Variants in OCRL observed in about 807,000 individuals in gnomAD.
OCRL encodes inositol polyphosphate 5-phosphatase OCRL.
In OCRL, 8 loss-of-function variants were observed where a neutral mutation model predicts 78.9. That is an observed-to-expected ratio of 0.10 (90% confidence interval 0.06 to 0.18). The LOEUF (loss-of-function observed/expected upper bound fraction) is 0.18. OCRL is among the 10% of genes least tolerant of loss of function. The pLI, the probability that OCRL is intolerant of heterozygous loss-of-function variation, is 1.00. For missense variants in OCRL, 454 were observed against 696.7 expected (o/e 0.65, Z 3.92); for synonymous variants, 240 against 235.4 (o/e 1.02, Z -0.18).
chrX:129,579,894 C>G (rs1008403110), intron 18 of OCRL, among the ~76,000 whole-genome samples: 2 of 111,928 alleles, frequency 1.8e-5, no homozygotes, highest in African/African-American at 6.5e-5. Context: ...TAAAGATAAT[C>G]TGAACATTAA....
At chrX:129,567,469 G>A (rs1936232058) in intron 14 of OCRL, 106 bp downstream of exon 14, 6 of 535,580 alleles carry the variant, frequency 1.1e-5, no homozygotes, top group Non-Finnish European at 2.0e-5. Context: ...GCCATAAGCA[G>A]ATATATAAAC....
At chrX:129,589,694 G>A (rs1936562417) in intron 22 of OCRL, 151 bp from the exon 23 acceptor site, 4 of 492,088 alleles carry the variant, frequency 8.1e-6, no homozygotes, top group South Asian at 2.8e-5. Flanking sequence ...GGAAGGTATT[G>A]TGTTGGCCAT....
rs142774693 is a variant in OCRL at position 129,546,344 on chromosome X, C to G, written c.199+1307C>G. 3.2e-3 allele frequency among the ~76,000 whole-genome samples: 360 copies of G among 111,703 alleles called. 4 individuals are homozygous for G. Among genetic ancestry groups the G allele is most frequent in the Admixed American group, 0.031 (329 of 10,563 alleles). ...GAATGGTCCATAATGTAATTATTCC[C>G]CTATGTTGACATTTGGGTTATTTTT... On this transcript the variant is annotated intron_variant, in intron 3 of 23. Transcript: ENST00000371113.
At chrX:129,544,095 G>C (rs965162603) in intron 2 of OCRL, among the ~76,000 whole-genome samples, 2 of 111,004 alleles carry the variant, frequency 1.8e-5, no homozygotes, top group African/African-American at 6.6e-5. Flanking sequence ...GAAAGAAACA[G>C]AGTGTTCCTG....
rs1382649926 is a variant in OCRL at position 129,551,174 on chromosome X, T to A, written c.238+2573T>A. Among the ~76,000 whole-genome samples the A allele has an allele frequency of 4.5e-5, 5 of 111,639 alleles. No homozygotes were observed. The East Asian group carries it at 1.1e-3, about 25-fold the overall frequency. ...GTGCCTTCTATTTCTCAGGCACTTT[T>A]GTAAGTGCAGAATCAGTACAGAACG... On this transcript the variant is annotated intron_variant, in intron 4 of 23. Transcript: ENST00000371113.
intron 15 of OCRL, among the ~76,000 whole-genome samples, chrX:129,574,288 A>G (rs930219481): frequency 2.7e-5 from 3 of 112,460 alleles, no homozygotes; most frequent in Non-Finnish European, 5.6e-5. Context: ...AAAGAAACCG[A>G]TATCTCAAGT....
chrX:129,579,331 GT>G (rs1247505649), intron 18 of OCRL, among the ~76,000 whole-genome samples: 4 of 111,121 alleles, frequency 3.6e-5, no homozygotes, highest in African/African-American at 9.8e-5. Context: ...TAGTATTCAT[GT>G]TTTTTTTCCC....
At chrX:129,559,991 C>A (rs964480787) in intron 8 of OCRL, among the ~76,000 whole-genome samples, 2 of 112,008 alleles carry the variant, frequency 1.8e-5, no homozygotes, top group South Asian at 7.4e-4. Flanking sequence ...TATCCCTATG[C>A]TAAAACTTGC....
chrX:129,556,971 T>C (rs1450634000), intron 4 of OCRL, among the ~76,000 whole-genome samples: 1 of 111,960 alleles, frequency 8.9e-6, no homozygotes, highest in Non-Finnish European at 1.9e-5. Flanking sequence ...GGGAGGGTGA[T>C]TGAGGAATTT....
At chrX:129,558,570 T>G in intron 6 of OCRL, 63 bp from the exon 7 acceptor site, 1 of 1,172,699 alleles carries the variant, frequency 8.5e-7, no homozygotes, top group Non-Finnish European at 1.2e-6. Flanking sequence ...AAAGCCCTGT[T>G]ACCCTGGATA....
intron 6 of OCRL, among the ~76,000 whole-genome samples, chrX:129,558,169 C>T (rs1936089012): frequency 8.9e-6 from 1 of 111,943 alleles, no homozygotes; most frequent in Non-Finnish European, 1.9e-5. Context: ...GTAGAAAGTA[C>T]AAGCTCGAGA....
At chrX:129,566,509 C>T (rs1242677808) in intron 13 of OCRL, among the ~76,000 whole-genome samples, 2 of 112,613 alleles carry the variant, frequency 1.8e-5, no homozygotes, top group African/African-American at 3.2e-5. Flanking sequence ...GTAAATTTGC[C>T]TCAGAACCTG....
intron 18 of OCRL, among the ~76,000 whole-genome samples, chrX:129,579,100 G>A (rs1311860719): frequency 3.6e-5 from 4 of 111,373 alleles, no homozygotes; most frequent in South Asian, 3.7e-4. Context: ...TCTGGAAATC[G>A]GAAATCTGAA....
At chrX:129,548,732 A>G in intron 4 of OCRL, 131 bp downstream of exon 4, 1 of 556,492 alleles carries the variant, frequency 1.8e-6, no homozygotes, top group South Asian at 2.8e-5. Flanking sequence ...TGTAGCAGCC[A>G]TACAAATTAG....
At chrX:129,547,998 C>T (rs965867328) in intron 3 of OCRL, among the ~76,000 whole-genome samples, 3 of 111,998 alleles carry the variant, frequency 2.7e-5, no homozygotes, top group Non-Finnish European at 5.6e-5. Context: ...GACTGCTTTG[C>T]ACCCTGTTTG....
intron 2 of OCRL, among the ~76,000 whole-genome samples, chrX:129,543,767 A>C (rs1172174281): frequency 8.9e-6 from 1 of 112,827 alleles, no homozygotes; most frequent in Non-Finnish European, 1.9e-5. Flanking sequence ...TAGAAATCAA[A>C]CCCTTCAAAA....
In OCRL at chrX:129,577,671, G is replaced by A. The variant is rs1008747674; in HGVS notation, c.2115+1119G>A. On this transcript the variant is annotated intron_variant, in intron 18 of 23. Coordinates refer to ENST00000371113, the MANE Select transcript of OCRL (RefSeq NM_000276.4). ...AATTGTTTTAGCTGTGACTCAGATAGCAGATTAAAACACTGAGTCCAGCCC... is the reference window on the plus strand; with the variant it reads ...AATTGTTTTAGCTGTGACTCAGATAACAGATTAAAACACTGAGTCCAGCCC... Among the ~76,000 whole-genome samples, 7 of 111,728 alleles carry A rather than the reference G, an allele frequency of 6.3e-5. No individual in the cohort carries two copies. The South Asian group carries it at 1.9e-3, about 30-fold the overall frequency.
chrX:129,565,410 G>A (rs193173812), intron 12 of OCRL, among the ~76,000 whole-genome samples: 1 of 112,070 alleles, frequency 8.9e-6, no homozygotes, highest in African/African-American at 3.2e-5. Context: ...GGCAGAAAAC[G>A]TTCAGATTCT....
At chrX:129,559,206 T>G (rs184902308) in intron 8 of OCRL, among the ~76,000 whole-genome samples, 1 of 111,629 alleles carries the variant, frequency 9.0e-6, no homozygotes, top group Admixed American at 9.5e-5. Flanking sequence ...TGGATTTTCT[T>G]TTTTTGTGTG....
Sources: gnomAD v4.1 joint callset for allele counts (sites outside exome capture counted in the v4.1 genomes callset) on GRCh38, gnomAD v4.1.1 for gene constraint, MANE v1.5 for transcripts, NCBI Gene and HGNC (gene_info 2026-07-23, HGNC 2026-07-21) for gene names.